Variants in CHST10 observed in about 807,000 individuals in gnomAD.
The protein encoded by CHST10 is carbohydrate sulfotransferase 10.
In CHST10, 24 loss-of-function variants were observed where a neutral mutation model predicts 34.7. That is an observed-to-expected ratio of 0.69 (90% confidence interval 0.50 to 0.97). The LOEUF is 0.97. CHST10 is among the 50% of genes least tolerant of loss of function. The probability of loss-of-function intolerance (pLI) is 0.00; values close to 1 mark genes in which losing one functional copy is unlikely to be tolerated. For missense variants in CHST10, 402 were observed against 452.1 expected (o/e 0.89, Z 1.00); for synonymous variants, 161 against 169.3 (o/e 0.95, Z 0.38).
intron 4 of CHST10, among the ~76,000 whole-genome samples, chr2:100,401,452 A>T (rs1055006965): frequency 6.6e-6 from 1 of 152,146 alleles, no homozygotes; most frequent in African/African-American, 2.4e-5. Flanking sequence ...GAGCACCAAG[A>T]TGACCACCCT....
chr2:100,401,951 A>G (rs1173001966), intron 4 of CHST10, among the ~76,000 whole-genome samples: 3 of 152,126 alleles, frequency 2.0e-5, no homozygotes, highest in African/African-American at 7.2e-5. Flanking sequence ...GGGGGTTACG[A>G]AGTGAGAGGC....
intron 2 of CHST10, among the ~76,000 whole-genome samples, chr2:100,409,319 C>T (rs1675719954): frequency 1.3e-5 from 2 of 152,210 alleles, no homozygotes; most frequent in Non-Finnish European, 2.9e-5. Flanking sequence ...ATAATGAAGC[C>T]TTACCTGAAA....
rs536689120 is a variant in CHST10 at position 100,412,747 on chromosome 2, C to T, written c.-33+2294G>A. Among the ~76,000 whole-genome samples, 12 of 152,270 alleles carry T rather than the reference C, an allele frequency of 7.9e-5. No individual in the cohort carries two copies. The South Asian group carries it at 1.7e-3, about 21-fold the overall frequency. ...TGGCAGCAAAAAAGCATCTAGTCAA[C>T]GAGAGTCTATTGATGCTCTGAATTA... On this transcript the variant is annotated intron_variant, in intron 2 of 6. Coordinates refer to ENST00000264249, the MANE Select transcript of CHST10 (RefSeq NM_004854.5).
chr2:100,394,899 T>C (rs909889476), intron 6 of CHST10, among the ~76,000 whole-genome samples: 1 of 152,050 alleles, frequency 6.6e-6, no homozygotes, highest in African/African-American at 2.4e-5. Flanking sequence ...ATTTTTTTTT[T>C]TTTAGTAGAA....
Position 100,393,722 on chromosome 2 carries a change from T to C in CHST10, c.594A>G (p.Ala198=), listed in dbSNP as rs374282663. ...GATTGTGAACAAATTTATCCTTAAA[T>C]GCAGAAATAAGTCTTTCGAAGGGAT... is the stretch of plus-strand genomic sequence containing the variant. ...VRDPFERLIS[A]FKDKFVHNPR... The change falls in exon 7 of 7, where the codon GCA becomes GCG. Residue 198 remains alanine, a synonymous_variant. Transcript: ENST00000264249. The C allele has an allele frequency of 1.2e-4, 193 of 1,613,752 alleles. No homozygotes were observed. The highest frequency in any genetic ancestry group is 1.6e-4 in the Non-Finnish European group (188 of 1,180,014).
In CHST10 at chr2:100,396,924, A is replaced by G. The variant is rs144739794; in HGVS notation, c.427+984T>C. The stretch of plus-strand genomic sequence containing the variant: ...GCCTCATTCTGCTTCTGAAAACCCA[A>G]CATGCTATCCAATCACTGCAGAAGC... On this transcript the variant is annotated intron_variant, in intron 5 of 6. Coordinates refer to ENST00000264249, the MANE Select transcript of CHST10 (RefSeq NM_004854.5). Among the ~76,000 whole-genome samples, 45 of 152,316 alleles carry G rather than the reference A, an allele frequency of 3.0e-4. No individual in the cohort carries two copies. In the East Asian group the frequency reaches 8.3e-3, roughly 28 times the overall value.
chr2:100,411,145 G>A (rs959343590), intron 2 of CHST10, among the ~76,000 whole-genome samples: 1 of 131,642 alleles, frequency 7.6e-6, no homozygotes, highest in African/African-American at 3.0e-5. Flanking sequence ...GAGGCAGTGT[G>A]TCTCTCTGTC....
rs768959364 is a variant in CHST10 at position 100,406,593 on chromosome 2, G to C, written c.83C>G (p.Thr28Ser). The C allele has an allele frequency of 1.2e-5, 20 of 1,614,060 alleles. No individual in the cohort carries two copies. In the East Asian group the frequency reaches 4.5e-4, roughly 36 times the overall value. The change falls in exon 3 of 7, where the codon ACC becomes AGC. Residue 28 changes from threonine to serine, a missense_variant. By Grantham distance (58) the Thr-to-Ser change is moderately conservative. Transcript: ENST00000264249. ...FMVASKFITL[T>S]FKDPDVYSAK... ...ATACGTACCATCTGGGTCTTTAAAGGTCAACGTGATGAACTTGCTAGCCAC... is the reference window on the plus strand; with the variant it reads ...ATACGTACCATCTGGGTCTTTAAAGCTCAACGTGATGAACTTGCTAGCCAC...
At chr2:100,413,066 C>A (rs1381201374) in intron 2 of CHST10, among the ~76,000 whole-genome samples, 1 of 152,186 alleles carries the variant, frequency 6.6e-6, no homozygotes, top group African/African-American at 2.4e-5. Context: ...AGGATGACAC[C>A]ACCAAGGCTC....
At chr2:100,406,822 TTTTC>T (rs1309082769) in intron 2 of CHST10, 115 bp from the exon 3 acceptor site, 9 of 1,263,416 alleles carry the variant, frequency 7.1e-6, no homozygotes, top group Non-Finnish European at 9.7e-6. Context: ...ATTTCCGTTT[TTTTC>T]CACTGCTACA....
At chr2:100,402,848 G>A (rs544704152) in intron 3 of CHST10, among the ~76,000 whole-genome samples, 193 bp from the exon 4 acceptor site, 182 of 152,266 alleles carry the variant, frequency 1.2e-3, no homozygotes, top group African/African-American at 3.2e-3. Context: ...ATTCACACAC[G>A]GAACAAACCT....
chr2:100,412,600 C>T (rs914547193), intron 2 of CHST10, among the ~76,000 whole-genome samples: 3 of 152,126 alleles, frequency 2.0e-5, no homozygotes, highest in African/African-American at 4.8e-5. Flanking sequence ...CAGGACCTCA[C>T]CCCTTCTTAA....
In CHST10 at chr2:100,394,201, AT is replaced by A. The variant is rs563747299; in HGVS notation, c.534-420del. ...CCAGGGAAAGTTACTTTAAGGGCAT[AT>A]TTTTAAAAGTTCAATTCAAATTGCC... On this transcript the variant is annotated intron_variant, in intron 6 of 6. Coordinates refer to ENST00000264249, the MANE Select transcript of CHST10 (RefSeq NM_004854.5). Among the ~76,000 whole-genome samples, 21 of 152,246 alleles carry A rather than the reference AT, an allele frequency of 1.4e-4. No homozygotes were observed. The South Asian group carries it at 4.4e-3, about 32-fold the overall frequency.
At chr2:100,417,103 A>G in intron 1 of CHST10, 4 of 1,280,198 alleles carry the variant, frequency 3.1e-6, no homozygotes, top group Non-Finnish European at 4.1e-6. Flanking sequence ...TCAGCCAAGG[A>G]TGAAAGAAGT....
At chr2:100,410,530 C>T (rs1317233783) in intron 2 of CHST10, among the ~76,000 whole-genome samples, 1 of 152,194 alleles carries the variant, frequency 6.6e-6, no homozygotes, top group Non-Finnish European at 1.5e-5. Flanking sequence ...CTTACTAGAA[C>T]TCAGGAATGT....
At chr2:100,406,226 A>G (rs1041748480) in intron 3 of CHST10, among the ~76,000 whole-genome samples, 5 of 152,162 alleles carry the variant, frequency 3.3e-5, no homozygotes, top group African/African-American at 1.2e-4. Flanking sequence ...CATGAGGCAA[A>G]GAGAATTCCC....
chr2:100,394,500 C>A (rs1055905326), intron 6 of CHST10, among the ~76,000 whole-genome samples: 2 of 152,182 alleles, frequency 1.3e-5, no homozygotes, highest in Admixed American at 6.5e-5. Context: ...GCAGGACACT[C>A]CTCACCAGGA....
In CHST10 at chr2:100,392,967, A is replaced by C. The variant is rs979455167; in HGVS notation, c.*278T>G. On this transcript the variant is annotated 3_prime_UTR_variant, in exon 7 of 7. Transcript: ENST00000264249. ...CCTCCCTGCTGGGCTGTCAAACTGC[A>C]AATCTTTAGCCTTTTCTCCCCTCTG... 3 of 438,704 alleles carry C rather than the reference A, an allele frequency of 6.8e-6. No individual in the cohort carries two copies. The highest frequency in any genetic ancestry group is 1.2e-5 in the Non-Finnish European group (3 of 242,852). 27.2% of individuals were successfully genotyped at this position (438,704 alleles called of 1,614,324 possible). A position where few individuals can be genotyped will look rare whatever the true frequency, so the allele number is the denominator to read the frequency against.
chr2:100,399,270 A>AT (rs1246410412), intron 4 of CHST10, among the ~76,000 whole-genome samples: 2 of 151,906 alleles, frequency 1.3e-5, no homozygotes, highest in Non-Finnish European at 2.9e-5. Context: ...TGCCTGGCTA[A>AT]TTTTTTGTTG....
Sources: allele counts gnomAD v4.1 joint callset (sites outside exome capture counted in the v4.1 genomes callset), GRCh38; gene constraint gnomAD v4.1.1; transcripts MANE v1.5; gene names NCBI Gene and HGNC (gene_info 2026-07-23, HGNC 2026-07-21).